Variants in SPICE1 observed in about 807,000 individuals in gnomAD.
SPICE1 encodes spindle and centriole-associated protein 1.
In SPICE1, 75 loss-of-function variants were observed where a neutral mutation model predicts 102.7. That is an observed-to-expected ratio of 0.73 (90% CI 0.61 to 0.88). The LOEUF is 0.88. Ranked by LOEUF, SPICE1 falls within the 40% of genes least tolerant of loss-of-function variation. The pLI, the probability that SPICE1 is intolerant of heterozygous loss-of-function variation, is 0.00. For synonymous variants in SPICE1, 308 were observed against 350.3 expected, an observed-to-expected ratio of 0.88 and a Z score of 1.35; for missense variants, 979 against 1,020.1, an observed-to-expected ratio of 0.96 and a Z score of 0.55.
intron 1 of SPICE1, among the ~76,000 whole-genome samples, chr3:113,508,608 A>G (rs1937158707): frequency 6.6e-6 from 1 of 152,196 alleles, no homozygotes; most frequent in Non-Finnish European, 1.5e-5. Context: ...ACGGACAACA[A>G]CAAGCACTGA....
chr3:113,464,047 GAC>G (rs1405394634), intron 11 of SPICE1, among the ~76,000 whole-genome samples: 1 of 151,574 alleles, frequency 6.6e-6, no homozygotes, highest in African/African-American at 2.4e-5. Context: ...CAGCCTGGGG[GAC>G]AGAGTGGGAC....
intron 2 of SPICE1, among the ~76,000 whole-genome samples, chr3:113,505,907 T>TAA (rs200416590): frequency 1.3e-5 from 2 of 151,756 alleles, no homozygotes; most frequent in African/African-American, 4.8e-5. Flanking sequence ...CCCTGTCTCT[T>TAA]AAAAAAAAGA....
rs1278728265 is a variant in SPICE1 at position 113,488,979 on chromosome 3, A to C, written c.577T>G (p.Ser193Ala). ...TTCGTGTTAGACTGAGAGTTTAGAG[A>C]GTTATCCAACTCATTCTCATTCTCA... ...ESENENELDNSLNSQSNTNTD... is the reference protein window; with the variant it reads ...ESENENELDNALNSQSNTNTD... The change falls in exon 7 of 18, where the codon TCT becomes GCT. Residue 193 changes from serine (S) to alanine (A), a missense_variant. Physicochemically the swap from Ser to Ala is moderately conservative, Grantham distance 99. Coordinates refer to ENST00000295872, the MANE Select transcript of SPICE1 (RefSeq NM_144718.4). 1 of 1,612,924 alleles carries C rather than the reference A, an allele frequency of 6.2e-7. No individual in the cohort carries two copies. Among genetic ancestry groups the C allele is most frequent in the Admixed American group, 1.7e-5 (1 of 60,022 alleles).
chr3:113,448,748 G>A (rs1935574737), intron 15 of SPICE1: 1 of 152,122 alleles, frequency 6.6e-6, no homozygotes, highest in Admixed American at 6.6e-5. Flanking sequence ...CTGACTTTGT[G>A]TGACTTCCTG....
Position 113,457,246 on chromosome 3 carries a change from G to A in SPICE1, c.1547C>T (p.Pro516Leu), listed in dbSNP as rs777004083. 19 of 1,614,048 alleles carry A rather than the reference G, an allele frequency of 1.2e-5. No individual in the cohort carries two copies. Among genetic ancestry groups the A allele is most frequent in the Non-Finnish European group, 1.7e-6 (2 of 1,180,038 alleles). ...PVKLSQVPDP[P>L]DNMNLAKNFP... ...ATTCTTGGCCAGATTCATGTTATCTGGAGGGTCTGGCACCTGAGACAGTTT... is the reference window on the plus strand; with the variant it reads ...ATTCTTGGCCAGATTCATGTTATCTAGAGGGTCTGGCACCTGAGACAGTTT... Residue 516 changes from proline (P) to leucine (L), a missense_variant, in exon 13 of 18, where the codon CCA becomes CTA. Pro to Leu is a moderately conservative substitution (Grantham distance 98). Coordinates refer to ENST00000295872, the MANE Select transcript of SPICE1 (RefSeq NM_144718.4).
At chr3:113,487,061 AAAT>A (rs1936665956) in intron 7 of SPICE1, among the ~76,000 whole-genome samples, 1 of 152,068 alleles carries the variant, frequency 6.6e-6, no homozygotes, top group African/African-American at 2.4e-5. Context: ...TAAAAACCTA[AAAT>A]TGAATACAAA....
chr3:113,445,899 CCAATGTCA>C (rs1935501258), intron 17 of SPICE1, among the ~76,000 whole-genome samples: 6 of 152,038 alleles, frequency 3.9e-5, no homozygotes, highest in Admixed American at 3.9e-4. Context: ...AAAGATTTTC[CCAATGTCA>C]GACACTTATT....
chr3:113,447,494 T>C (rs1935545657), intron 16 of SPICE1, among the ~76,000 whole-genome samples: 5 of 152,166 alleles, frequency 3.3e-5, no homozygotes, highest in Admixed American at 3.3e-4. Flanking sequence ...ATTACAATAT[T>C]ATATGGATAA....
chr3:113,462,092 A>G (rs527735683), intron 11 of SPICE1, among the ~76,000 whole-genome samples: 2 of 152,300 alleles, frequency 1.3e-5, no homozygotes, highest in South Asian at 4.1e-4. Flanking sequence ...ACTTCACTCC[A>G]CATCCAATAA....
intron 7 of SPICE1, among the ~76,000 whole-genome samples, chr3:113,481,323 A>C (rs1303556392): frequency 6.6e-6 from 1 of 152,206 alleles, no homozygotes; most frequent in African/African-American, 2.4e-5. Context: ...CAAAACACTT[A>C]GGAATAAACT....
Position 113,514,882 on chromosome 3 carries a change from CACCCTGACACGT to C in SPICE1, c.-1+3_-1+14del. On this transcript the variant is annotated splice_donor_5th_base_variant and intron_variant, in intron 1 of 17. Transcript: ENST00000295872. Reference sequence around the variant, plus strand: ...CCACGCACAAACATACCCAGACACGCACCCTGACACGTACTTGCACTCTCAAAACACAGAGCC... The same window carrying C: ...CCACGCACAAACATACCCAGACACGCACTTGCACTCTCAAAACACAGAGCC... 8.3e-7 allele frequency: 1 copy of C among 1,203,784 alleles called. No homozygotes were observed. Among genetic ancestry groups the C allele is most frequent in the East Asian group, 5.8e-5 (1 of 17,202 alleles). 74.6% of individuals were successfully genotyped at this position (1,203,784 alleles called of 1,614,324 possible). A position where few individuals can be genotyped will look rare whatever the true frequency, so the allele number is the denominator to read the frequency against.
At chr3:113,452,751 G>T (rs1258432946) in intron 14 of SPICE1, among the ~76,000 whole-genome samples, 1 of 151,872 alleles carries the variant, frequency 6.6e-6, no homozygotes, top group South Asian at 2.1e-4. Flanking sequence ...AGGCTGAGGC[G>T]GGCAGATCAC....
At chr3:113,482,492 G>A (rs1451173314) in intron 7 of SPICE1, among the ~76,000 whole-genome samples, 1 of 152,176 alleles carries the variant, frequency 6.6e-6, no homozygotes, top group Non-Finnish European at 1.5e-5. Flanking sequence ...GTATGCCTAT[G>A]TCCTGAATGG....
At chr3:113,489,107 T>C (rs371770253) in intron 6 of SPICE1, 44 bp from the exon 7 acceptor site, 22 of 1,253,356 alleles carry the variant, frequency 1.8e-5, no homozygotes, top group Non-Finnish European at 2.3e-5. Flanking sequence ...TGATTATATA[T>C]ATACTCAGAC....
chr3:113,505,747 T>A lies in SPICE1; in HGVS notation c.99+760A>T, dbSNP rs553505266. Among the ~76,000 whole-genome samples the A allele has an allele frequency of 5.4e-4, 82 of 151,890 alleles. 1 individual carries two copies. The highest frequency in any genetic ancestry group is 1.0e-3 in the Non-Finnish European group (69 of 67,978). The stretch of plus-strand genomic sequence containing the variant: ...AAGGACCTGTCTCTACAAAAAATAT[T>A]TTTTTTAAGTTAGCCAGGGGTGGTG... On this transcript the variant is annotated intron_variant, in intron 2 of 17. Coordinates refer to ENST00000295872, the MANE Select transcript of SPICE1 (RefSeq NM_144718.4).
In SPICE1 at chr3:113,450,444, T is replaced by A; in HGVS notation, c.2215A>T (p.Met739Leu). ...TGCAGTAGTTTTCCACGAGCCTCCA[T>A]ACTTTGTCGATTCAATTCTGCAATC... Reference protein sequence around the residue: ...ERIAELNRQSMEARGKLLQLI... With the variant: ...ERIAELNRQSLEARGKLLQLI... The change falls in exon 15 of 18, where the codon ATG becomes TTG. Residue 739 changes from methionine (M) to leucine (L), a missense_variant. Physicochemically the swap from Met to Leu is conservative, Grantham distance 15 (BLOSUM62 2). Coordinates refer to ENST00000295872, the MANE Select transcript of SPICE1 (RefSeq NM_144718.4). 1 of 1,613,932 alleles carries A rather than the reference T, an allele frequency of 6.2e-7. No individual in the cohort carries two copies. Among genetic ancestry groups the A allele is most frequent in the Non-Finnish European group, 8.5e-7 (1 of 1,180,020 alleles).
intron 4 of SPICE1, among the ~76,000 whole-genome samples, chr3:113,498,153 G>A (rs890861185): frequency 2.0e-5 from 3 of 152,190 alleles, no homozygotes; most frequent in Admixed American, 6.5e-5. Flanking sequence ...TGGGATTACA[G>A]GCATGAGCTG....
rs1470866127 is a variant in SPICE1, at chr3:113,499,944, TAC to T, written c.148-364_148-363del. Among the ~76,000 whole-genome samples the T allele has an allele frequency of 8.5e-5, 13 of 152,186 alleles. No individual in the cohort carries two copies. In the East Asian group the frequency reaches 2.3e-3, roughly 27 times the overall value. On this transcript the variant is annotated intron_variant, in intron 3 of 17. Coordinates refer to ENST00000295872, the MANE Select transcript of SPICE1 (RefSeq NM_144718.4). ...TCAAAACCAGCATTTTTTTTTAACATACACATACACACATATACACACACTAA... is the reference window on the plus strand; with the variant it reads ...TCAAAACCAGCATTTTTTTTTAACATACATACACACATATACACACACTAA...
At chr3:113,456,021 T>G (rs1935771038) in intron 13 of SPICE1, among the ~76,000 whole-genome samples, 1 of 152,188 alleles carries the variant, frequency 6.6e-6, no homozygotes, top group African/African-American at 2.4e-5. Context: ...AGGTAAACTA[T>G]CTGAGCCTCA....
Sources: allele counts gnomAD v4.1 joint callset (sites outside exome capture counted in the v4.1 genomes callset), GRCh38; gene constraint gnomAD v4.1.1; transcripts MANE v1.5; gene names NCBI Gene and HGNC (gene_info 2026-07-23, HGNC 2026-07-21).